Variants in CACNA2D1 observed in about 807,000 individuals in gnomAD.
CACNA2D1 encodes calcium voltage-gated channel auxiliary subunit alpha2delta 1.
In CACNA2D1, 53 loss-of-function variants were observed where a neutral mutation model predicts 171.5. That is an observed-to-expected ratio of 0.31 (90% CI 0.25 to 0.39). The LOEUF is 0.39. CACNA2D1 is among the 10% of genes least tolerant of loss of function. CACNA2D1 has a pLI of 1.00. For missense variants in CACNA2D1, 903 were observed against 1,299.8 expected (o/e 0.69, Z 4.69); for synonymous variants, 442 against 443.1 (o/e 1.00, Z 0.03).
rs555160737 is a variant in CACNA2D1, at chr7:82,090,994, G to A, written c.527-6094C>T. ...CTGCATTATCAGATAAGCTGAGCCA[G>A]ATGTCACTAATTTTATTCACCAACC... On this transcript the variant is annotated intron_variant, in intron 6 of 38. Transcript: ENST00000356860. Among the ~76,000 whole-genome samples, 5 of 152,232 alleles carry A rather than the reference G, an allele frequency of 3.3e-5. No individual in the cohort carries two copies. The South Asian group carries it at 6.2e-4, about 19-fold the overall frequency.
intron 1 of CACNA2D1, among the ~76,000 whole-genome samples, chr7:82,406,256 T>C (rs953097398): frequency 1.3e-5 from 2 of 152,218 alleles, no homozygotes; most frequent in African/African-American, 4.8e-5. Context: ...TATTCCATGG[T>C]GTATATGTGC....
intron 7 of CACNA2D1, among the ~76,000 whole-genome samples, chr7:82,075,127 T>C (rs569200232): frequency 3.9e-4 from 60 of 152,092 alleles, no homozygotes; most frequent in Non-Finnish European, 7.5e-4. Flanking sequence ...GTTTTCTCTA[T>C]TTCCAGAAGT....
At chr7:82,099,615 A>C (rs1812419746) in intron 6 of CACNA2D1, among the ~76,000 whole-genome samples, 1 of 108,500 alleles carries the variant, frequency 9.2e-6, no homozygotes, top group South Asian at 3.3e-4. Flanking sequence ...ACGCCCGGCT[A>C]ATTTTTTGTA....
In CACNA2D1 at chr7:82,349,429, T is replaced by C. The variant is rs1585604297; in HGVS notation, c.177+139A>G. 9.0e-6 allele frequency: 7 copies of C among 779,268 alleles called. No homozygotes were observed. The East Asian group carries it at 1.5e-4, about 17-fold the overall frequency. 48.3% of individuals were successfully genotyped at this position (779,268 alleles called of 1,614,324 possible). ...TCACAGTAACTAGCAGTACCAATGGTTTCTCTCAGAATTTCACCACCAGAT... is the reference window on the plus strand; with the variant it reads ...TCACAGTAACTAGCAGTACCAATGGCTTCTCTCAGAATTTCACCACCAGAT... On this transcript the variant is annotated intron_variant, in intron 2 of 38. Transcript: ENST00000356860.
At position 82,066,505 on chromosome 7, in the gene CACNA2D1, A is replaced by G; in HGVS notation, c.678T>C (p.Asn226=). 1.2e-6 allele frequency: 2 copies of G among 1,604,656 alleles called. No individual in the cohort carries two copies. The highest frequency in any genetic ancestry group is 1.7e-6 in the Non-Finnish European group (2 of 1,177,184). Residue 226 remains asparagine (N), a synonymous_variant, in exon 8 of 39, where the codon AAT becomes AAC. Coordinates refer to ENST00000356860, the MANE Select transcript of CACNA2D1 (RefSeq NM_000722.4). ...GGTCAATCTTATTTGGAGTTCTACT[A>G]TTATCAACCCATGGTGAAGCTAAAA... The part of the protein sequence containing the change: ...RYYPASPWVD[N]SRTPNKIDLY...
At chr7:82,045,615 A>T (rs145324736) in intron 10 of CACNA2D1, among the ~76,000 whole-genome samples, 42 of 152,248 alleles carry the variant, frequency 2.8e-4, no homozygotes, top group African/African-American at 1.0e-3. Flanking sequence ...CCTTACAACA[A>T]ATTAAGATTT....
intron 1 of CACNA2D1, among the ~76,000 whole-genome samples, chr7:82,376,623 T>C (rs1307300370): frequency 6.6e-6 from 1 of 152,166 alleles, no homozygotes; most frequent in Non-Finnish European, 1.5e-5. Flanking sequence ...ATATAACTTT[T>C]AAAAATTCAT....
chr7:82,141,362 G>A (rs1792358031), intron 4 of CACNA2D1, among the ~76,000 whole-genome samples: 1 of 144,968 alleles, frequency 6.9e-6, no homozygotes, highest in African/African-American at 2.7e-5. Flanking sequence ...TAGAAAATTA[G>A]GGGAGGAAAT....
At chr7:82,162,307 A>G (rs1366422200) in intron 4 of CACNA2D1, among the ~76,000 whole-genome samples, 2 of 151,778 alleles carry the variant, frequency 1.3e-5, no homozygotes, top group African/African-American at 4.8e-5. Context: ...TTTTTCTTTA[A>G]TGTTGGAAGA....
intron 5 of CACNA2D1, among the ~76,000 whole-genome samples, chr7:82,123,460 G>T (rs1301417377): frequency 6.6e-6 from 1 of 152,134 alleles, no homozygotes; most frequent in African/African-American, 2.4e-5. Context: ...TAAGCCAAAT[G>T]CATCAAAATT....
At chr7:82,184,898 T>C (rs942623105) in intron 3 of CACNA2D1, among the ~76,000 whole-genome samples, 1 of 152,222 alleles carries the variant, frequency 6.6e-6, no homozygotes, top group African/African-American at 2.4e-5. Flanking sequence ...AAATTATCTA[T>C]ATTTCCTACA....
At chr7:82,293,558 CCTTT>C (rs1008708604) in intron 3 of CACNA2D1, among the ~76,000 whole-genome samples, 20 of 152,192 alleles carry the variant, frequency 1.3e-4, no homozygotes, top group Middle Eastern at 3.4e-3. Context: ...TTTACAAACT[CCTTT>C]CTAATTCTAG....
chr7:82,173,400 T>C (rs1018331097), intron 3 of CACNA2D1, among the ~76,000 whole-genome samples: 1 of 152,114 alleles, frequency 6.6e-6, no homozygotes, highest in African/African-American at 2.4e-5. Flanking sequence ...AAGGCTGGTC[T>C]GAAGCTTGAA....
intron 21 of CACNA2D1, among the ~76,000 whole-genome samples, chr7:81,987,111 C>A (rs185562404): frequency 6.6e-6 from 1 of 152,098 alleles, no homozygotes; most frequent in African/African-American, 2.4e-5. Flanking sequence ...ATCTACTATG[C>A]GTTTTGTTGG....
At chr7:82,209,118 T>G (rs1190255313) in intron 3 of CACNA2D1, among the ~76,000 whole-genome samples, 2 of 152,132 alleles carry the variant, frequency 1.3e-5, no homozygotes, top group African/African-American at 4.8e-5. Flanking sequence ...ACTCACAGCG[T>G]CTCATGCAAA....
At chr7:82,166,027 G>T (rs1795424505) in intron 4 of CACNA2D1, among the ~76,000 whole-genome samples, 1 of 151,940 alleles carries the variant, frequency 6.6e-6, no homozygotes, top group Non-Finnish European at 1.5e-5. Flanking sequence ...AATACAGTGT[G>T]TTTTCCCATT....
intron 1 of CACNA2D1, among the ~76,000 whole-genome samples, chr7:82,354,904 G>A (rs753644447): frequency 6.6e-6 from 1 of 151,994 alleles, no homozygotes; most frequent in Non-Finnish European, 1.5e-5. Flanking sequence ...AAATTAACAA[G>A]GACTACTAAA....
At chr7:82,354,603 T>G (rs1820218054) in intron 1 of CACNA2D1, among the ~76,000 whole-genome samples, 1 of 152,136 alleles carries the variant, frequency 6.6e-6, no homozygotes, top group Admixed American at 6.6e-5. Context: ...CAGTTATCTG[T>G]TAAGGGACAA....
At chr7:81,980,264 C>T (rs903174351) in intron 24 of CACNA2D1, among the ~76,000 whole-genome samples, 1 of 133,048 alleles carries the variant, frequency 7.5e-6, no homozygotes, top group Non-Finnish European at 1.6e-5. Context: ...GGTAGGGAAA[C>T]TTTCCCTGAC....
Sources: allele counts gnomAD v4.1 joint callset (sites outside exome capture counted in the v4.1 genomes callset), GRCh38; gene constraint gnomAD v4.1.1; transcripts MANE v1.5; gene names NCBI Gene and HGNC (gene_info 2026-07-23, HGNC 2026-07-21).